The following OSBPL2 variants were observed in gnomAD, a reference collection of about 807,000 sequenced individuals.
OSBPL2 encodes oxysterol-binding protein-related protein 2.
OSBPL2 carries 18 observed loss-of-function variants against 58.4 expected under a neutral mutation model. The ratio of observed to expected loss-of-function variants is 0.31; its 90% confidence interval spans 0.21 to 0.46. The LOEUF is 0.46. OSBPL2 is among the 20% of genes least tolerant of loss of function. The pLI, the probability that OSBPL2 is intolerant of heterozygous loss-of-function variation, is 1.00. For synonymous variants in OSBPL2, 221 were observed against 234.1 expected (o/e 0.94, Z 0.51); for missense variants, 461 against 616.5 (o/e 0.75, Z 2.67).
In OSBPL2 at chr20:62,258,367, G is replaced by A. The variant is rs1344486277; in HGVS notation, c.38-1614G>A. 2.6e-5 allele frequency among the ~76,000 whole-genome samples: 4 copies of A among 152,196 alleles called. No individual in the cohort carries two copies. The East Asian group carries it at 5.8e-4, about 22-fold the overall frequency. The stretch of plus-strand genomic sequence containing the variant: ...TTTGTAACTCTAATTTCAAAAGTAT[G>A]TAAACTAAGCAGTTATTAAATGAAT... On this transcript the variant is annotated intron_variant, in intron 2 of 13. Coordinates refer to ENST00000313733, the MANE Select transcript of OSBPL2 (RefSeq NM_144498.4).
chr20:62,293,825 G>T lies in OSBPL2; in HGVS notation c.1381G>T (p.Asp461Tyr), dbSNP rs370609897. The change falls in exon 14 of 14, where the codon GAC becomes TAC. Residue 461 changes from aspartate to tyrosine, a missense_variant. Transcript: ENST00000313733. ...PGNNPYTGTP[D>Y]WLYAGDYFER... ...CAATAACCCCTACACTGGGACCCCCGACTGGTTGTATGCAGGGGATTACTT... is the reference window on the plus strand; with the variant it reads ...CAATAACCCCTACACTGGGACCCCCTACTGGTTGTATGCAGGGGATTACTT... 1.2e-6 allele frequency: 2 copies of T among 1,614,086 alleles called. No individual in the cohort carries two copies. Among genetic ancestry groups the T allele is most frequent in the Non-Finnish European group, 1.7e-6 (2 of 1,180,006 alleles).
At chr20:62,250,620 AT>A (rs1980460825) in intron 1 of OSBPL2, among the ~76,000 whole-genome samples, 1 of 152,198 alleles carries the variant, frequency 6.6e-6, no homozygotes, top group South Asian at 2.1e-4. Flanking sequence ...GCAGGGGAGC[AT>A]TTTAAAAAAG....
At chr20:62,239,810 G>C (rs948289561) in intron 1 of OSBPL2, among the ~76,000 whole-genome samples, 1 of 152,128 alleles carries the variant, frequency 6.6e-6, no homozygotes, top group Non-Finnish European at 1.5e-5. Flanking sequence ...TCCTTCATCC[G>C]GACATGTAGC....
chr20:62,283,305 C>G (rs753610122), intron 9 of OSBPL2, among the ~76,000 whole-genome samples: 1 of 152,202 alleles, frequency 6.6e-6, no homozygotes, highest in Non-Finnish European at 1.5e-5. Flanking sequence ...TGGCCCAGTT[C>G]CCCGCGTCTG....
At chr20:62,292,655 G>C (rs544654120) in intron 13 of OSBPL2, among the ~76,000 whole-genome samples, 12 of 152,216 alleles carry the variant, frequency 7.9e-5, no homozygotes, top group East Asian at 1.9e-4. Context: ...AAAATCTTTG[G>C]GTGTTTGTGA....
At chr20:62,254,208 A>G (rs1440278235) in intron 1 of OSBPL2, among the ~76,000 whole-genome samples, 3 of 152,218 alleles carry the variant, frequency 2.0e-5, no homozygotes, top group Non-Finnish European at 4.4e-5. Flanking sequence ...TAACATTGTC[A>G]CATGGCAGTC....
intron 3 of OSBPL2, among the ~76,000 whole-genome samples, chr20:62,261,371 G>C (rs1019718403): frequency 6.6e-6 from 1 of 151,594 alleles, no homozygotes; most frequent in African/African-American, 2.4e-5. Flanking sequence ...GGTGGGACAG[G>C]CAGTGGCCCT....
At chr20:62,262,422 C>T (rs1166864733) in intron 3 of OSBPL2, among the ~76,000 whole-genome samples, 7 of 152,238 alleles carry the variant, frequency 4.6e-5, no homozygotes, top group Non-Finnish European at 2.9e-5. Flanking sequence ...CATCTCCATG[C>T]AGGGTCGTAT....
At chr20:62,282,168 G>A in intron 9 of OSBPL2, 1 of 260,794 alleles carries the variant, frequency 3.8e-6, no homozygotes, top group Non-Finnish European at 7.7e-6. Context: ...TTTCCACTGG[G>A]AGATGAGAGG....
Position 62,259,246 on chromosome 20 carries a change from C to G in OSBPL2, c.38-735C>G, listed in dbSNP as rs182914661. The G allele has an allele frequency of 2.0e-5, 3 of 152,416 alleles. No individual in the cohort carries two copies. In the East Asian group the frequency reaches 5.8e-4, roughly 29 times the overall value. 9.4% of individuals were successfully genotyped at this position (152,416 alleles called of 1,614,324 possible). On this transcript the variant is annotated intron_variant, in intron 2 of 13. Transcript: ENST00000313733. Reference sequence around the variant, plus strand: ...TGGCCCTTCCAGCAACTCAGACTGACAGGAGTTGAAGGGAGACGTATGTTC... The same window carrying G: ...TGGCCCTTCCAGCAACTCAGACTGAGAGGAGTTGAAGGGAGACGTATGTTC...
At position 62,291,679 on chromosome 20, in the gene OSBPL2, C is replaced by G. The variant is rs113771708; in HGVS notation, c.1250-24C>G. 55,229 of 1,609,860 alleles carry G rather than the reference C, an allele frequency of 0.034. 1,084 individuals are homozygous for G. The highest frequency in any genetic ancestry group is 0.041 in the Non-Finnish European group (48,592 of 1,176,708). The stretch of plus-strand genomic sequence containing the variant: ...TGCGGTTCTAAGGTCTCTGTCTGAC[C>G]TAAACTGTTTGCTTGGATCCTAGAT... On this transcript the variant is annotated intron_variant, in intron 12 of 13. Transcript: ENST00000313733.
intron 1 of OSBPL2, among the ~76,000 whole-genome samples, chr20:62,241,641 G>GCGCCA (rs1979747448): frequency 6.6e-6 from 1 of 152,220 alleles, no homozygotes; most frequent in Non-Finnish European, 1.5e-5. Context: ...CTTGGGTCCT[G>GCGCCA]GGTGGGTTCC....
chr20:62,277,705 C>T (rs1486378866), intron 6 of OSBPL2, among the ~76,000 whole-genome samples: 5 of 152,306 alleles, frequency 3.3e-5, no homozygotes, highest in African/African-American at 1.2e-4. Context: ...AATTTTTCAA[C>T]TTTCTTTCTT....
chr20:62,276,797 C>T (rs905766931), intron 6 of OSBPL2, among the ~76,000 whole-genome samples: 6 of 152,148 alleles, frequency 3.9e-5, no homozygotes, highest in African/African-American at 1.2e-4. Flanking sequence ...GTCTTCTGTT[C>T]TGAATTCATG....
chr20:62,247,546 T>C (rs1980207413), intron 1 of OSBPL2, among the ~76,000 whole-genome samples: 1 of 152,208 alleles, frequency 6.6e-6, no homozygotes, highest in South Asian at 2.1e-4. Flanking sequence ...CCAGTGGCTT[T>C]GACCTGTCAG....
At chr20:62,279,004 G>A (rs568687673) in intron 6 of OSBPL2, 153 bp from the exon 7 acceptor site, 28 of 614,866 alleles carry the variant, frequency 4.6e-5, no homozygotes, top group East Asian at 8.4e-5. Flanking sequence ...GTGCAATGTC[G>A]GAGAGGTGGT....
intron 3 of OSBPL2, among the ~76,000 whole-genome samples, chr20:62,262,906 C>T (rs1447549176): frequency 6.6e-6 from 1 of 152,178 alleles, no homozygotes; most frequent in African/African-American, 2.4e-5. Context: ...CTTCTTTGCA[C>T]CCTGCTCTGT....
In OSBPL2 at chr20:62,253,691, G is replaced by A. The variant is rs745728798; in HGVS notation, c.-128-2366G>A. ...AGGGCAAGAGAGGAGGGAAGAGAGC[G>A]GGAGAGAGAGAGGAGAGAGGGAAAG... On this transcript the variant is annotated intron_variant, in intron 1 of 13. Transcript: ENST00000313733. 7.3e-5 allele frequency among the ~76,000 whole-genome samples: 11 copies of A among 150,340 alleles called. No homozygotes were observed. The South Asian group carries it at 8.6e-4, about 12-fold the overall frequency.
intron 11 of OSBPL2, among the ~76,000 whole-genome samples, chr20:62,287,832 G>C (rs1056470089): frequency 5.9e-5 from 9 of 152,178 alleles, no homozygotes; most frequent in Admixed American, 1.3e-4. Flanking sequence ...TCTCTTTAAA[G>C]ATAACTCATG....
Sources: gnomAD v4.1 joint callset for allele counts (sites outside exome capture counted in the v4.1 genomes callset) on GRCh38, gnomAD v4.1.1 for gene constraint, MANE v1.5 for transcripts, NCBI Gene and HGNC (gene_info 2026-07-23, HGNC 2026-07-21) for gene names.